SDK1: variants seen among roughly 807,000 people sequenced by gnomAD.
The protein encoded by SDK1 is sidekick cell adhesion molecule 1.
A neutral mutation model predicts 245.5 loss-of-function variants in SDK1; 157 were observed. The ratio of observed to expected loss-of-function variants is 0.64; its 90% CI spans 0.56 to 0.73. The LOEUF is 0.73. SDK1 is among the 30% of genes least tolerant of loss of function. The pLI, the probability that SDK1 is intolerant of heterozygous loss-of-function variation, is 0.00. For missense variants in SDK1, 3,583 were observed against 3,002.3 expected (o/e 1.19, Z -4.52); for synonymous variants, 1,647 against 1,278.5 (o/e 1.29, Z -6.15).
chr7:3,343,392 GC>G (rs1780406323), intron 1 of SDK1, among the ~76,000 whole-genome samples: 1 of 152,146 alleles, frequency 6.6e-6, no homozygotes. Flanking sequence ...GTGATAAAAA[GC>G]CTATTCTAAA....
At chr7:4,148,351 C>A (rs1175460496) in intron 29 of SDK1, among the ~76,000 whole-genome samples, 1 of 152,264 alleles carries the variant, frequency 6.6e-6, no homozygotes, top group Admixed American at 6.5e-5. Context: ...CGCCGCGGAA[C>A]TTCTCTGCTG....
chr7:3,497,737 A>G (rs1361419308), intron 1 of SDK1, among the ~76,000 whole-genome samples: 2 of 152,206 alleles, frequency 1.3e-5, no homozygotes, highest in Non-Finnish European at 2.9e-5. Flanking sequence ...CTTAGATGCT[A>G]TTTAGGCCAT....
At chr7:4,138,274 C>T (rs953865754) in intron 28 of SDK1, among the ~76,000 whole-genome samples, 1 of 152,158 alleles carries the variant, frequency 6.6e-6, no homozygotes, top group Non-Finnish European at 1.5e-5. Flanking sequence ...ACTGCAAACT[C>T]CCCCCTTCCT....
chr7:3,840,728 A>G (rs1780135947), intron 5 of SDK1, among the ~76,000 whole-genome samples: 2 of 152,226 alleles, frequency 1.3e-5, no homozygotes, highest in African/African-American at 2.4e-5. Flanking sequence ...GAGTTGTGCT[A>G]CTCAGAAGGT....
At chr7:4,057,926 T>C (rs1044261991) in intron 19 of SDK1, among the ~76,000 whole-genome samples, 2 of 151,796 alleles carry the variant, frequency 1.3e-5, no homozygotes, top group African/African-American at 4.8e-5. Flanking sequence ...TGAAAGCAAA[T>C]CCAAAAAATT....
At chr7:3,663,756 C>T (rs919485215) in intron 4 of SDK1, among the ~76,000 whole-genome samples, 5 of 152,078 alleles carry the variant, frequency 3.3e-5, no homozygotes, top group Non-Finnish European at 5.9e-5. Context: ...TATGTGTTGT[C>T]CCTACCACTG....
chr7:4,021,788 C>T (rs1405731528), intron 17 of SDK1, among the ~76,000 whole-genome samples: 1 of 152,214 alleles, frequency 6.6e-6, no homozygotes, highest in Non-Finnish European at 1.5e-5. Flanking sequence ...CGTGGCCTTC[C>T]AGCTGGGCAC....
intron 1 of SDK1, among the ~76,000 whole-genome samples, chr7:3,399,635 A>T (rs1778828608): frequency 6.6e-6 from 1 of 152,122 alleles, no homozygotes; most frequent in African/African-American, 2.4e-5. Flanking sequence ...GACTAATCTC[A>T]TAAAGTTTAT....
chr7:3,884,627 A>C (rs543879235), intron 5 of SDK1, among the ~76,000 whole-genome samples: 4 of 152,192 alleles, frequency 2.6e-5, no homozygotes, highest in Non-Finnish European at 5.9e-5. Context: ...GGCTTGTTCT[A>C]GGTGCTGGGA....
At chr7:3,506,345 A>G (rs184191205) in intron 1 of SDK1, among the ~76,000 whole-genome samples, 2 of 152,296 alleles carry the variant, frequency 1.3e-5, no homozygotes, top group East Asian at 3.9e-4. Flanking sequence ...AAAGTCAGTA[A>G]TCACTCTTAC....
intron 1 of SDK1, among the ~76,000 whole-genome samples, chr7:3,517,994 C>T (rs1782805939): frequency 6.6e-6 from 1 of 152,038 alleles, no homozygotes. Context: ...AGTGGAGAAG[C>T]TTACCAGAAG....
At chr7:3,964,328 G>A (rs1003307407) in intron 9 of SDK1, among the ~76,000 whole-genome samples, 34 of 152,300 alleles carry the variant, frequency 2.2e-4, no homozygotes, top group African/African-American at 7.9e-4. Context: ...TCTCAGGGTA[G>A]CGTTGCCTCT....
chr7:3,887,181 G>T (rs943705237), intron 5 of SDK1, among the ~76,000 whole-genome samples: 2 of 152,296 alleles, frequency 1.3e-5, no homozygotes, highest in Non-Finnish European at 2.9e-5. Context: ...GGTCCAGGCT[G>T]CTTTGATCTT....
At chr7:3,791,377 C>T (rs1040679799) in intron 4 of SDK1, among the ~76,000 whole-genome samples, 1 of 152,142 alleles carries the variant, frequency 6.6e-6, no homozygotes, top group Non-Finnish European at 1.5e-5. Flanking sequence ...TTACAAGAAG[C>T]TGAGGCAGAA....
intron 5 of SDK1, among the ~76,000 whole-genome samples, chr7:3,916,843 A>G (rs1024354794): frequency 6.6e-6 from 1 of 152,244 alleles, no homozygotes; most frequent in Non-Finnish European, 1.5e-5. Context: ...ATAGACAGAC[A>G]GATTGTCAGG....
At chr7:3,421,283 G>C (rs375864864) in intron 1 of SDK1, among the ~76,000 whole-genome samples, 17 of 152,078 alleles carry the variant, frequency 1.1e-4, no homozygotes, top group Admixed American at 4.6e-4. Flanking sequence ...TGTTGGCCAA[G>C]CTGGTCTTGA....
At chr7:3,451,222 G>C (rs2128591644) in intron 1 of SDK1, among the ~76,000 whole-genome samples, 1 of 151,920 alleles carries the variant, frequency 6.6e-6, no homozygotes, top group Middle Eastern at 3.4e-3. Flanking sequence ...TGAAAATATA[G>C]GAGAAAGGGG....
At chr7:3,909,486 A>G (rs1044516785) in intron 5 of SDK1, among the ~76,000 whole-genome samples, 2 of 152,164 alleles carry the variant, frequency 1.3e-5, no homozygotes, top group African/African-American at 2.4e-5. Context: ...CCACACAGCA[A>G]CACTGTCTAC....
intron 4 of SDK1, among the ~76,000 whole-genome samples, chr7:3,704,149 T>G (rs557679498): frequency 3.9e-5 from 6 of 152,322 alleles, no homozygotes; most frequent in African/African-American, 1.2e-4. Context: ...GTATTTAGTT[T>G]TCTATTCCTG....
Sources: gnomAD v4.1 joint callset for allele counts (sites outside exome capture counted in the v4.1 genomes callset) on GRCh38, gnomAD v4.1.1 for gene constraint, MANE v1.5 for transcripts, NCBI Gene and HGNC (gene_info 2026-07-23, HGNC 2026-07-21) for gene names.